CXADR: variants seen among roughly 807,000 people sequenced by gnomAD.
CXADR encodes the protein coxsackievirus and adenovirus receptor.
In CXADR, 20 loss-of-function variants were observed where a neutral mutation model predicts 40.3. That is an observed-to-expected ratio of 0.50 (90% CI 0.35 to 0.72). The LOEUF is 0.72. Ranked by LOEUF, CXADR falls within the 30% of genes least tolerant of loss-of-function variation. The probability of loss-of-function intolerance (pLI) is 0.01; values close to 1 mark genes in which losing one functional copy is unlikely to be tolerated. For missense variants in CXADR, 332 were observed against 449.1 expected (o/e 0.74, Z 2.36); for synonymous variants, 150 against 161.3 (o/e 0.93, Z 0.53).
chr21:17,588,897 G>A (rs914403305), intron 7 of CXADR, among the ~76,000 whole-genome samples: 1 of 151,820 alleles, frequency 6.6e-6, no homozygotes, highest in Non-Finnish European at 1.5e-5. Flanking sequence ...GAAAAGTAAA[G>A]CTTTTATAAT....
Position 17,547,205 on chromosome 21 carries a change from A to G in CXADR, c.210+12A>G. On this transcript the variant is annotated intron_variant, in intron 2 of 6. Transcript: ENST00000284878. ...AGGTGGATCAAGTGGTAAGTTTGAT[A>G]TGTCCTTGCTCGCTTAGCAGCTGTC... is the stretch of plus-strand genomic sequence containing the variant. The G allele has an allele frequency of 6.2e-7, 1 of 1,614,094 alleles. No individual in the cohort carries two copies. Among genetic ancestry groups the G allele is most frequent in the Non-Finnish European group, 8.5e-7 (1 of 1,180,014 alleles).
intron 3 of CXADR, among the ~76,000 whole-genome samples, chr21:17,552,485 G>C (rs2060981217): frequency 6.6e-6 from 1 of 152,158 alleles, no homozygotes; most frequent in African/African-American, 2.4e-5. Context: ...AGTTAATAGG[G>C]AGGTAGTGTA....
At chr21:17,619,205 A>T in the CXADR span, among the ~76,000 whole-genome samples, 3 of 152,086 alleles carry the variant, frequency 2.0e-5, no homozygotes, top group African/African-American at 7.2e-5. Context: ...TAAAGTCACC[A>T]GCTGCATTAT....
chr21:17,594,908 C>A (rs1471551244), downstream of CXADR, among the ~76,000 whole-genome samples: 1 of 151,820 alleles, frequency 6.6e-6, no homozygotes, highest in African/African-American at 2.4e-5. Flanking sequence ...GGCTTCACAC[C>A]TGGGTGATGA....
chr21:17,563,046 GACTTT>G (rs1325713448), intron 6 of CXADR, among the ~76,000 whole-genome samples: 6 of 152,192 alleles, frequency 3.9e-5, no homozygotes, highest in African/African-American at 7.2e-5. Context: ...GTAACACTTT[GACTTT>G]ACTTTAAGAA....
At chr21:17,621,938 T>C in the CXADR span, among the ~76,000 whole-genome samples, 1 of 152,172 alleles carries the variant, frequency 6.6e-6, no homozygotes, top group Non-Finnish European at 1.5e-5. Context: ...ACAATAATGG[T>C]GTAGGTATAT....
At chr21:17,532,313 C>T (rs182658949) in intron 1 of CXADR, among the ~76,000 whole-genome samples, 183 of 152,196 alleles carry the variant, frequency 1.2e-3, no homozygotes, top group Non-Finnish European at 1.8e-3. Flanking sequence ...TTTAACGTCT[C>T]CTATTCTATT....
At position 17,569,201 on chromosome 21, in the gene CXADR, T is replaced by C. The variant is rs530757258; in HGVS notation, c.*3509T>C. ...TATGTGAATGTTGAGTTTTTTCTTC[T>C]AATTTTCACTTCAGCAGTGTTTAGG... is the stretch of plus-strand genomic sequence containing the variant. On this transcript the variant is annotated 3_prime_UTR_variant, in exon 7 of 7. Coordinates refer to ENST00000284878, the MANE Select transcript of CXADR (RefSeq NM_001338.5). 1.0e-6 allele frequency: 1 copy of C among 985,424 alleles called. No homozygotes were observed. Among genetic ancestry groups the C allele is most frequent in the African/African-American group, 1.7e-5 (1 of 57,358 alleles). The allele number at this position is 985,424 out of a possible 1,614,324, so 61.0% of individuals were successfully genotyped here. A position where few individuals can be genotyped will look rare whatever the true frequency, so the allele number is the denominator to read the frequency against.
chr21:17,538,471 G>A (rs1165069943), intron 1 of CXADR, among the ~76,000 whole-genome samples: 1 of 152,098 alleles, frequency 6.6e-6, no homozygotes, highest in African/African-American at 2.4e-5. Flanking sequence ...AATGAGGAGC[G>A]ACCAGAGATT....
At chr21:17,550,237 C>G (rs2060948560) in intron 2 of CXADR, among the ~76,000 whole-genome samples, 1 of 151,706 alleles carries the variant, frequency 6.6e-6, no homozygotes, top group Non-Finnish European at 1.5e-5. Context: ...ACTTGTAGTC[C>G]CAGCTCCTCG....
the CXADR span, among the ~76,000 whole-genome samples, chr21:17,618,390 T>C: frequency 6.6e-6 from 1 of 152,244 alleles, no homozygotes; most frequent in African/African-American, 2.4e-5. Context: ...GTTGATATTT[T>C]ACCTTTCTCC....
the CXADR span, among the ~76,000 whole-genome samples, chr21:17,624,587 T>C: frequency 6.6e-6 from 1 of 152,186 alleles, no homozygotes; most frequent in East Asian, 1.9e-4. Context: ...TTTTTTGCTT[T>C]TAAGGGCTCA....
intron 7 of CXADR, among the ~76,000 whole-genome samples, chr21:17,583,303 T>C (rs1232867700): frequency 6.6e-6 from 1 of 152,198 alleles, no homozygotes; most frequent in African/African-American, 2.4e-5. Flanking sequence ...TGTAATGTTA[T>C]GGGCAAAAGA....
At chr21:17,630,040 C>T in the CXADR span, among the ~76,000 whole-genome samples, 2 of 151,976 alleles carry the variant, frequency 1.3e-5, no homozygotes, top group African/African-American at 2.4e-5. Flanking sequence ...AATGGGCTTC[C>T]GGGTGTTGGA....
exon 8 of CXADR, chr21:17,593,252 G>A (rs2061458819): frequency 2.3e-6 from 3 of 1,330,906 alleles, no homozygotes; most frequent in Non-Finnish European, 2.0e-6. Flanking sequence ...TAGGCCTCTA[G>A]TAAAGACTTA....
intron 7 of CXADR, among the ~76,000 whole-genome samples, chr21:17,587,609 G>T (rs916945623): frequency 1.7e-4 from 26 of 152,040 alleles, no homozygotes; most frequent in South Asian, 1.3e-3. Flanking sequence ...TAAATTTGTT[G>T]GAGTTCATTG....
At chr21:17,560,994 A>G (rs2061110940) in intron 5 of CXADR, among the ~76,000 whole-genome samples, 170 bp downstream of exon 5, 1 of 152,222 alleles carries the variant, frequency 6.6e-6, no homozygotes, top group Non-Finnish European at 1.5e-5. Flanking sequence ...AAAAAACTTC[A>G]TAATTGCAAT....
the CXADR span, chr21:17,633,157 A>AGAGCTCTCCCT: frequency 6.6e-6 from 1 of 152,200 alleles, no homozygotes; most frequent in Non-Finnish European, 1.5e-5. Flanking sequence ...AGGCACAGGG[A>AGAGCTCTCCCT]GAGCTCTCCC....
intron 4 of CXADR, 86 bp from the exon 5 acceptor site, chr21:17,560,616 T>A (rs979190): frequency 0.67 from 902,948 of 1,348,072 alleles, 304,475 homozygotes; most frequent in East Asian, 0.79. Context: ...CTGGATTGTT[T>A]AATTTGGAGA....
Sources: gnomAD v4.1 joint callset for allele counts (sites outside exome capture counted in the v4.1 genomes callset) on GRCh38, gnomAD v4.1.1 for gene constraint, MANE v1.5 for transcripts, NCBI Gene and HGNC (gene_info 2026-07-23, HGNC 2026-07-21) for gene names.